The following CLASP1 variants were observed in gnomAD, a reference collection of about 807,000 sequenced individuals.
CLASP1 encodes CLIP-associating protein 1.
CLASP1 carries 38 observed loss-of-function variants against 192.3 expected under a neutral mutation model. The observed-to-expected ratio is 0.20, with a 90% CI of 0.15 to 0.26. The LOEUF (loss-of-function observed/expected upper bound fraction) is 0.26, where lower values mean the gene tolerates loss of function less well. CLASP1 is among the 10% of genes least tolerant of loss of function. The probability of loss-of-function intolerance (pLI) is 1.00; values close to 1 mark genes in which losing one functional copy is unlikely to be tolerated. For synonymous variants in CLASP1, 691 were observed against 712.8 expected, an observed-to-expected ratio of 0.97 and a Z score of 0.49; for missense variants, 1,433 against 1,932.5, an observed-to-expected ratio of 0.74 and a Z score of 4.85.
chr2:121,523,329 G>A (rs1350003369), intron 6 of CLASP1, among the ~76,000 whole-genome samples: 1 of 152,200 alleles, frequency 6.6e-6, no homozygotes, highest in South Asian at 2.1e-4. Context: ...AATTTAATCT[G>A]TGTACTTCTA....
intron 8 of CLASP1, among the ~76,000 whole-genome samples, chr2:121,492,683 A>T (rs1052376612): frequency 3.9e-4 from 59 of 152,048 alleles, no homozygotes; most frequent in African/African-American, 1.4e-3. Context: ...ATAAAAAAAA[A>T]AAAAAACAAG....
intron 37 of CLASP1, among the ~76,000 whole-genome samples, chr2:121,350,192 A>G (rs1200353615): frequency 6.6e-6 from 1 of 152,232 alleles, no homozygotes. Context: ...TCTGTTACTC[A>G]AAATAACTCA....
rs2058771346 is a variant in CLASP1 at position 121,558,425 on chromosome 2, C to T, written c.196-28100G>A. Among the ~76,000 whole-genome samples, 3 of 152,294 alleles carry T rather than the reference C, an allele frequency of 2.0e-5. No homozygotes were observed. The South Asian group carries it at 6.2e-4, about 32-fold the overall frequency. On this transcript the variant is annotated intron_variant, in intron 2 of 39. Transcript: ENST00000263710. ...CACGTTATAAATTTAATCTACAATGCTGCAGTACTGAAAGGCGAGGCTTTT... is the reference window on the plus strand; with the variant it reads ...CACGTTATAAATTTAATCTACAATGTTGCAGTACTGAAAGGCGAGGCTTTT...
rs547665034 is a variant in CLASP1, at chr2:121,487,606, A to G, written c.712+15561T>C. Reference sequence around the variant, plus strand: ...TTGACATGGTTAGGGAGTTTACAGAATATCTTTCATTTTGGGTTTGCCTGA... The same window carrying G: ...TTGACATGGTTAGGGAGTTTACAGAGTATCTTTCATTTTGGGTTTGCCTGA... On this transcript the variant is annotated intron_variant, in intron 8 of 39. Transcript: ENST00000263710. Among the ~76,000 whole-genome samples the G allele has an allele frequency of 7.2e-5, 11 of 152,230 alleles. No homozygotes were observed. The South Asian group carries it at 1.2e-3, about 17-fold the overall frequency.
intron 2 of CLASP1, among the ~76,000 whole-genome samples, chr2:121,582,785 C>CTT (rs869194901): frequency 7.0e-6 from 1 of 143,034 alleles, no homozygotes; most frequent in African/African-American, 2.6e-5. Context: ...TTCTTTCTTC[C>CTT]TTTTTTTTTT....
intron 2 of CLASP1, among the ~76,000 whole-genome samples, chr2:121,556,155 C>T (rs957296143): frequency 4.6e-5 from 7 of 151,724 alleles, no homozygotes; most frequent in East Asian, 3.9e-4. Context: ...AGCTAATTTT[C>T]GTATTTTTTG....
intron 22 of CLASP1, among the ~76,000 whole-genome samples, chr2:121,419,247 G>A (rs2079094776): frequency 6.6e-6 from 1 of 152,134 alleles, no homozygotes; most frequent in African/African-American, 2.4e-5. Flanking sequence ...TCCCAGGCTG[G>A]CCATCTTCAC....
At chr2:121,408,539 C>T (rs984348946) in intron 24 of CLASP1, among the ~76,000 whole-genome samples, 1 of 152,174 alleles carries the variant, frequency 6.6e-6, no homozygotes, top group Non-Finnish European at 1.5e-5. Context: ...TACAAATATA[C>T]TTCTTTAATA....
rs915710819 is a variant in CLASP1, at chr2:121,530,906, A to G, written c.196-581T>C. 27 of 697,638 alleles carry G rather than the reference A, an allele frequency of 3.9e-5. No individual in the cohort carries two copies. Among genetic ancestry groups the G allele is most frequent in the South Asian group, 7.4e-5 (5 of 67,430 alleles). The allele number at this position is 697,638 out of a possible 1,614,324, so 43.2% of individuals were successfully genotyped here. A position where few individuals can be genotyped will look rare whatever the true frequency, so the allele number is the denominator to read the frequency against. ...ACCATCCTTTTCTTGGGGTTGCGCT[A>G]CTGTCCAATGAGCGCATAGTGAGGG... On this transcript the variant is annotated intron_variant, in intron 2 of 39. Transcript: ENST00000263710.
chr2:121,347,395 G>C (rs1467446976), intron 38 of CLASP1, among the ~76,000 whole-genome samples: 2 of 152,192 alleles, frequency 1.3e-5, no homozygotes, highest in East Asian at 3.9e-4. Context: ...GAGAGTCCCA[G>C]ACTGGTCTCT....
chr2:121,561,599 A>T (rs1038099636), intron 2 of CLASP1, among the ~76,000 whole-genome samples: 1 of 151,818 alleles, frequency 6.6e-6, no homozygotes, highest in Non-Finnish European at 1.5e-5. Context: ...TGATGAGCTT[A>T]AAAAAAAATT....
At chr2:121,630,158 G>A (rs1311954325) in intron 1 of CLASP1, among the ~76,000 whole-genome samples, 1 of 151,936 alleles carries the variant, frequency 6.6e-6, no homozygotes, top group African/African-American at 2.4e-5. Flanking sequence ...GACCTCAAGC[G>A]ATCCACCCGC....
exon 4 of CLASP1, chr2:121,528,728 C>T (rs2094651587): frequency 1.9e-6 from 3 of 1,614,048 alleles, no homozygotes; most frequent in Non-Finnish European, 2.5e-6. Flanking sequence ...TTTGGTCCTG[C>T]TCCCTCACAG....
intron 2 of CLASP1, among the ~76,000 whole-genome samples, chr2:121,558,366 C>T (rs2058763818): frequency 2.0e-5 from 3 of 152,166 alleles, no homozygotes; most frequent in Admixed American, 2.0e-4. Flanking sequence ...TAGGAAGCAT[C>T]TCTGCTATGG....
chr2:121,479,030 ACCCCACACACACACACACCCC>A, intron 8 of CLASP1, among the ~76,000 whole-genome samples: 2 of 28,574 alleles, frequency 7.0e-5, no homozygotes, highest in East Asian at 2.0e-3. Flanking sequence ...ACACACACAC[ACCCCACACACACACACACCCC>A]CCCCCCACAC....
chr2:121,491,294 C>T (rs923390809), intron 8 of CLASP1, among the ~76,000 whole-genome samples: 1 of 152,194 alleles, frequency 6.6e-6, no homozygotes, highest in Non-Finnish European at 1.5e-5. Context: ...TTTACTTCAG[C>T]TACAAATTTA....
chr2:121,559,117 AAAC>A (rs1216639785), intron 2 of CLASP1, among the ~76,000 whole-genome samples: 1 of 152,222 alleles, frequency 6.6e-6, no homozygotes, highest in African/African-American at 2.4e-5. Flanking sequence ...TGAGATGTGC[AAAC>A]AACATGGCTC....
At chr2:121,413,979 C>T (rs1461608191) in intron 23 of CLASP1, among the ~76,000 whole-genome samples, 162 bp downstream of exon 24, 1 of 152,066 alleles carries the variant, frequency 6.6e-6, no homozygotes, top group African/African-American at 2.4e-5. Flanking sequence ...ATTAACAGAA[C>T]TATAAACATT....
At chr2:121,580,220 G>T (rs1272161673) in intron 2 of CLASP1, among the ~76,000 whole-genome samples, 1 of 152,126 alleles carries the variant, frequency 6.6e-6, no homozygotes, top group Non-Finnish European at 1.5e-5. Context: ...CCTAATTTCA[G>T]AACTGCAACT....
Sources: gnomAD v4.1 joint callset for allele counts (sites outside exome capture counted in the v4.1 genomes callset) on GRCh38, gnomAD v4.1.1 for gene constraint, MANE v1.5 for transcripts, NCBI Gene and HGNC (gene_info 2026-07-23, HGNC 2026-07-21) for gene names.